DSCAM: variants seen among roughly 807,000 people sequenced by gnomAD.
DSCAM encodes the protein cell adhesion molecule DSCAM.
In DSCAM, 47 loss-of-function variants were observed where a neutral mutation model predicts 217.7. The ratio of observed to expected loss-of-function variants is 0.22; its 90% CI spans 0.17 to 0.28. The LOEUF is 0.28. DSCAM is among the 10% of genes least tolerant of loss of function. The probability of loss-of-function intolerance (pLI) is 1.00; values close to 1 mark genes in which losing one functional copy is unlikely to be tolerated. For missense variants in DSCAM, 2,080 were observed against 2,618.3 expected, an observed-to-expected ratio of 0.79 and a Z score of 4.49; for synonymous variants, 1,056 against 1,015.3, an observed-to-expected ratio of 1.04 and a Z score of -0.76.
chr21:40,138,289 G>A (rs2090237612), intron 18 of DSCAM, among the ~76,000 whole-genome samples: 1 of 149,824 alleles, frequency 6.7e-6, no homozygotes, highest in Admixed American at 6.7e-5. Context: ...TGGTGTGTGT[G>A]TACCTGTGTG....
intron 21 of DSCAM, 45 bp downstream of exon 21, chr21:40,093,676 A>G (rs199538029): frequency 1.2e-6 from 2 of 1,606,760 alleles, no homozygotes; most frequent in Non-Finnish European, 1.7e-6. Context: ...ACTTAAAAAC[A>G]GTCAAGTTAC....
At chr21:40,497,484 G>A (rs1261435381) in intron 3 of DSCAM, among the ~76,000 whole-genome samples, 1 of 152,048 alleles carries the variant, frequency 6.6e-6, no homozygotes, top group African/African-American at 2.4e-5. Flanking sequence ...TGGGGAGTTG[G>A]GGAGATGTTG....
chr21:40,545,812 C>T (rs544367074), intron 3 of DSCAM, among the ~76,000 whole-genome samples: 2 of 152,198 alleles, frequency 1.3e-5, no homozygotes, highest in Non-Finnish European at 1.5e-5. Context: ...GTGGCTTCAG[C>T]CCCTAGCCCC....
At chr21:40,823,857 T>C (rs2091948135) in intron 1 of DSCAM, among the ~76,000 whole-genome samples, 1 of 152,140 alleles carries the variant, frequency 6.6e-6, no homozygotes, top group Non-Finnish European at 1.5e-5. Flanking sequence ...TATGCTGTGA[T>C]AAAATTATAG....
At chr21:40,332,646 T>C (rs1390301618) in intron 8 of DSCAM, among the ~76,000 whole-genome samples, 1 of 152,194 alleles carries the variant, frequency 6.6e-6, no homozygotes, top group Admixed American at 6.5e-5. Flanking sequence ...ATAAAACTGC[T>C]TGTTAAGTTG....
chr21:40,801,115 A>C (rs9974248), intron 1 of DSCAM, among the ~76,000 whole-genome samples: 88,847 of 151,594 alleles, frequency 0.59, 27,362 homozygotes, highest in East Asian at 0.78. Flanking sequence ...CTACACCTGG[A>C]TAATTTTTTG....
intron 3 of DSCAM, among the ~76,000 whole-genome samples, chr21:40,532,105 G>A (rs1021780059): frequency 2.0e-5 from 3 of 152,004 alleles, no homozygotes; most frequent in African/African-American, 4.8e-5. Context: ...ATGCTCTCAC[G>A]GCTGCTTAAA....
chr21:40,837,818 G>A (rs1260405975), intron 1 of DSCAM, among the ~76,000 whole-genome samples: 1 of 152,224 alleles, frequency 6.6e-6, no homozygotes, highest in Non-Finnish European at 1.5e-5. Context: ...TCATTGTTGG[G>A]TGTCTTCAGC....
intron 3 of DSCAM, among the ~76,000 whole-genome samples, chr21:40,540,553 A>C (rs2076535170): frequency 6.6e-6 from 1 of 152,216 alleles, no homozygotes; most frequent in Admixed American, 6.5e-5. Flanking sequence ...CATTGTAGGA[A>C]GCTTAGTGAA....
chr21:40,097,082 C>T (rs1048176482), intron 20 of DSCAM, among the ~76,000 whole-genome samples: 1 of 151,776 alleles, frequency 6.6e-6, no homozygotes, highest in African/African-American at 2.4e-5. Context: ...TAGACAGAGA[C>T]ATAAATGTAC....
At chr21:40,529,240 T>A (rs2076424633) in intron 3 of DSCAM, among the ~76,000 whole-genome samples, 1 of 152,126 alleles carries the variant, frequency 6.6e-6, no homozygotes, top group Non-Finnish European at 1.5e-5. Flanking sequence ...AAGCATTCCA[T>A]GGCACTCCCC....
intron 4 of DSCAM, among the ~76,000 whole-genome samples, chr21:40,362,885 T>C (rs1035510900): frequency 6.6e-6 from 1 of 152,172 alleles, no homozygotes; most frequent in Non-Finnish European, 1.5e-5. Context: ...TGTATAAAAT[T>C]AAAATGAACT....
At chr21:40,261,248 C>G (rs1017181519) in intron 11 of DSCAM, among the ~76,000 whole-genome samples, 1 of 152,104 alleles carries the variant, frequency 6.6e-6, no homozygotes. Context: ...GAAACTTAAC[C>G]ACAATTATAT....
intron 32 of DSCAM, among the ~76,000 whole-genome samples, chr21:40,020,238 C>T (rs1352312603): frequency 6.6e-6 from 1 of 152,146 alleles, no homozygotes; most frequent in African/African-American, 2.4e-5. Context: ...TAAGATGTGC[C>T]TGTCACCTTC....
chr21:40,508,734 A>AATAAATAT (rs2076228526), intron 3 of DSCAM, among the ~76,000 whole-genome samples: 1 of 45,836 alleles, frequency 2.2e-5, no homozygotes, highest in Non-Finnish European at 4.0e-5. Context: ...ACACCCGGCA[A>AATAAATAT]ATATATATAT....
intron 17 of DSCAM, among the ~76,000 whole-genome samples, chr21:40,143,658 G>C (rs1413975478): frequency 6.6e-6 from 1 of 152,190 alleles, no homozygotes; most frequent in African/African-American, 2.4e-5. Flanking sequence ...AGGCGTGGTG[G>C]CGGGTGCCTG....
chr21:40,575,893 GCAT>G (rs2076846355), intron 3 of DSCAM, among the ~76,000 whole-genome samples: 1 of 152,006 alleles, frequency 6.6e-6, no homozygotes, highest in Non-Finnish European at 1.5e-5. Flanking sequence ...ACATGTAACA[GCAT>G]CATTAGTAAT....
chr21:40,318,143 C>T (rs1407130200), intron 8 of DSCAM, among the ~76,000 whole-genome samples: 3 of 131,064 alleles, frequency 2.3e-5, no homozygotes, highest in Non-Finnish European at 4.6e-5. Flanking sequence ...AATGAGAACA[C>T]ATGGACACAG....
intron 3 of DSCAM, among the ~76,000 whole-genome samples, chr21:40,425,236 C>A (rs1227430358): frequency 6.6e-6 from 1 of 151,986 alleles, no homozygotes; most frequent in Non-Finnish European, 1.5e-5. Context: ...GATTAAAATT[C>A]TCTTCCCGGC....
Sources: gnomAD v4.1 joint callset for allele counts (sites outside exome capture counted in the v4.1 genomes callset) on GRCh38, gnomAD v4.1.1 for gene constraint, MANE v1.5 for transcripts, NCBI Gene and HGNC (gene_info 2026-07-23, HGNC 2026-07-21) for gene names.